The following MYO7B variants were observed in gnomAD, a reference collection of about 807,000 sequenced individuals.
The protein encoded by MYO7B is unconventional myosin-VIIb.
A neutral mutation model predicts 259.7 loss-of-function variants in MYO7B; 212 were observed. That is an observed-to-expected ratio of 0.82 (90% CI 0.73 to 0.91). MYO7B has a LOEUF of 0.91. Among genes scored for constraint, MYO7B ranks in the 40% least tolerant of loss-of-function variants. MYO7B has a pLI of 0.00. For missense variants in MYO7B, 2,732 were observed against 2,813.5 expected (o/e 0.97, Z 0.66); for synonymous variants, 1,197 against 1,166.4 (o/e 1.03, Z -0.54).
rs1005320949 is a variant in MYO7B at position 127,613,331 on chromosome 2, C to A, written c.3398+728C>A. ...TTGACCTGTCTTCAAATTTACTGAT[C>A]TTTTGTCTTCCCTAGTCTGCTGTCA... On this transcript the variant is annotated intron_variant, in intron 26 of 47. Transcript: ENST00000409816. The surrounding 1 kb of genome is among the most constrained non-coding windows in gnomAD (Gnocchi z 4.3). 1.3e-5 allele frequency among the ~76,000 whole-genome samples: 2 copies of A among 152,088 alleles called. No homozygotes were observed. Among genetic ancestry groups the A allele is most frequent in the African/African-American group, 4.8e-5 (2 of 41,412 alleles).
In MYO7B at chr2:127,636,132, A is replaced by C; in HGVS notation, c.6007-76A>C. On this transcript the variant is annotated intron_variant, in intron 44 of 47. Transcript: ENST00000409816. The surrounding 1 kb of genome is among the most constrained non-coding windows in gnomAD (Gnocchi z 4.5). ...CTCCCCACCGTACTAGCCCTGGGGTAGGCAGGTGCTGCCCCCACCAGGGCT... is the reference window on the plus strand; with the variant it reads ...CTCCCCACCGTACTAGCCCTGGGGTCGGCAGGTGCTGCCCCCACCAGGGCT... 13 of 1,248,712 alleles carry C rather than the reference A, an allele frequency of 1.0e-5. No individual in the cohort carries two copies. Among genetic ancestry groups the C allele is most frequent in the Non-Finnish European group, 1.5e-5 (13 of 867,824 alleles). 77.4% of individuals were successfully genotyped at this position (1,248,712 alleles called of 1,614,324 possible). A position where few individuals can be genotyped will look rare whatever the true frequency, so the allele number is the denominator to read the frequency against.
Position 127,605,891 on chromosome 2 carries a change from G to A in MYO7B, c.2387G>A (p.Trp796Ter). The part of the protein sequence containing the change: ...QRRAAVTLQA[W>*]WRGYCNRRNF... Reference sequence around the variant, plus strand: ...CGGGCAGCTGTGACCCTGCAGGCCTGGTGGAGAGGCTACTGCAACAGGAGG... The same window carrying A: ...CGGGCAGCTGTGACCCTGCAGGCCTAGTGGAGAGGCTACTGCAACAGGAGG... The change falls in exon 20 of 48, where the codon TGG becomes TAG. Residue 796 changes from tryptophan to a stop codon, truncating the protein, a stop_gained. Transcript: ENST00000409816. LOFTEE classifies it high-confidence loss of function. The A allele has an allele frequency of 6.2e-7, 1 of 1,613,800 alleles. No individual in the cohort carries two copies. The highest frequency in any genetic ancestry group is 8.5e-7 in the Non-Finnish European group (1 of 1,179,862).
Position 127,577,990 on chromosome 2 carries a change from T to C in MYO7B, c.850-143T>C. The C allele has an allele frequency of 1.1e-6, 1 of 898,738 alleles. No individual in the cohort carries two copies. Among genetic ancestry groups the C allele is most frequent in the Non-Finnish European group, 1.7e-6 (1 of 604,956 alleles). 55.7% of individuals were successfully genotyped at this position (898,738 alleles called of 1,614,324 possible). ...TGCTGTGGCTACTGTGTCATGATTC[T>C]GCCTCTGAAAAGAGTTTTTGAGCGT... On this transcript the variant is annotated intron_variant, in intron 8 of 47. Transcript: ENST00000409816. This position sits in a 1 kb window ranked among gnomAD's most constrained non-coding sequence, Gnocchi z 5.2.
In MYO7B at chr2:127,546,093, G is replaced by T. The variant is rs986330941; in HGVS notation, c.-24+10262G>T. The stretch of plus-strand genomic sequence containing the variant: ...TAGGCAGTCAGCTGGTGGCATAGGA[G>T]AACTTCCAAGTCTTACTCATCCCTC... On this transcript the variant is annotated intron_variant, in intron 1 of 47. Coordinates refer to ENST00000409816, the MANE Select transcript of MYO7B (RefSeq NM_001393586.1). The surrounding 1 kb of genome is among the most constrained non-coding windows in gnomAD (Gnocchi z 4.2). Among the ~76,000 whole-genome samples, 9 of 152,202 alleles carry T rather than the reference G, an allele frequency of 5.9e-5. No individual in the cohort carries two copies. The highest frequency in any genetic ancestry group is 1.2e-4 in the Non-Finnish European group (8 of 68,038).
At chr2:127,561,299 C>T (rs553193482) in intron 2 of MYO7B, among the ~76,000 whole-genome samples, 16 of 151,734 alleles carry the variant, frequency 1.1e-4, no homozygotes, top group African/African-American at 3.6e-4. Context: ...GAGTCTTACT[C>T]TGTCACCCAG....
intron 5 of MYO7B, 41 bp downstream of exon 5, chr2:127,566,868 T>C (rs1221257406): frequency 1.3e-6 from 2 of 1,575,152 alleles, no homozygotes; most frequent in Admixed American, 1.7e-5. Context: ...GGCATCTCCC[T>C]GAACTGCTCC....
At chr2:127,634,892 C>CG in intron 42 of MYO7B, 2 of 646,922 alleles carry the variant, frequency 3.1e-6, no homozygotes, top group Non-Finnish European at 2.7e-6. Flanking sequence ...AAGGATGCCC[C>CG]AGGGCTGAGG....
intron 1 of MYO7B, among the ~76,000 whole-genome samples, chr2:127,557,327 TA>T (rs1449692311): frequency 6.6e-6 from 1 of 152,150 alleles, no homozygotes; most frequent in Non-Finnish European, 1.5e-5. Context: ...TTGATTTTCT[TA>T]AATTGGACTT....
At chr2:127,629,603 C>T in intron 34 of MYO7B, 42 bp from the exon 35 acceptor site, 3 of 1,576,794 alleles carry the variant, frequency 1.9e-6, no homozygotes, top group Non-Finnish European at 2.6e-6. Context: ...CAGCCTCTGG[C>T]CCCTGCAGAG....
At chr2:127,605,703 C>A in intron 19 of MYO7B, 141 bp from the exon 20 acceptor site, 2 of 727,920 alleles carry the variant, frequency 2.7e-6, no homozygotes, top group Non-Finnish European at 4.5e-6. Context: ...TGGTCTGTAA[C>A]ACCTTCTGAG....
intron 16 of MYO7B, among the ~76,000 whole-genome samples, chr2:127,592,165 G>A (rs1339855421): frequency 6.6e-6 from 1 of 152,184 alleles, no homozygotes; most frequent in Non-Finnish European, 1.5e-5. Context: ...ACGCCAAGGC[G>A]GGCGGATCAT....
In MYO7B at chr2:127,569,921, C is replaced by T; in HGVS notation, c.592+11C>T. 4 of 1,606,518 alleles carry T rather than the reference C, an allele frequency of 2.5e-6. No homozygotes were observed. Among genetic ancestry groups the T allele is most frequent in the Non-Finnish European group, 3.4e-6 (4 of 1,175,596 alleles). On this transcript the variant is annotated intron_variant, in intron 6 of 47. Transcript: ENST00000409816. ...ACCCCATCCTGGAGGGTAAGCATCA[C>T]TCTGGGACCCGCCCTTCTCCCCCAG...
At chr2:127,588,298 C>T (rs1235629888) in intron 14 of MYO7B, 94 bp from the exon 15 acceptor site, 15 of 1,423,580 alleles carry the variant, frequency 1.1e-5, no homozygotes, top group African/African-American at 5.6e-5. Flanking sequence ...GGCTCCTCCA[C>T]GCATCCTGTA....
rs764930785 is a variant in MYO7B at position 127,627,045 on chromosome 2, A to G, written c.4286A>G (p.Gln1429Arg). 5.0e-6 allele frequency: 8 copies of G among 1,612,210 alleles called. No homozygotes were observed. The highest frequency in any genetic ancestry group is 1.1e-5 in the South Asian group (1 of 90,906). Residue 1429 changes from glutamine to arginine, a missense_variant, in exon 32 of 48, where the codon CAG becomes CGG. This residue lies in a region of MYO7B where 1,906 missense variants were observed against 2,026.4 expected (regional missense o/e 0.94). Coordinates refer to ENST00000409816, the MANE Select transcript of MYO7B (RefSeq NM_001393586.1). This position sits in a 1 kb window ranked among gnomAD's most constrained non-coding sequence, Gnocchi z 5.6. ...CAGGTGGTGGACGCCGCCCGCCTGC[A>G]GTGGCCGCTGCTCTTCTCCCGGCTC... ...REQVVDAARL[Q>R]WPLLFSRLFE... is the part of the protein sequence containing the mutation.
rs1189073633 is a variant in MYO7B at position 127,586,329 on chromosome 2, G to A, written c.1690+1416G>A. ...AAGAAAAACGAGGAAGGTGGCCGTG[G>A]GCTGCTGTGGTCAGGAAAGCAGGGC... On this transcript the variant is annotated intron_variant, in intron 14 of 47. Transcript: ENST00000409816. The surrounding 1 kb of genome is among the most constrained non-coding windows in gnomAD (Gnocchi z 4.8). Among the ~76,000 whole-genome samples the A allele has an allele frequency of 1.3e-5, 2 of 152,164 alleles. No individual in the cohort carries two copies. The highest frequency in any genetic ancestry group is 4.8e-5 in the African/African-American group (2 of 41,436).
intron 1 of MYO7B, among the ~76,000 whole-genome samples, chr2:127,543,038 G>GGAC (rs1693068157): frequency 6.6e-6 from 1 of 152,134 alleles, no homozygotes; most frequent in Admixed American, 6.5e-5. Flanking sequence ...CTATTCCCAG[G>GGAC]GACGAGCAGG....
intron 31 of MYO7B, chr2:127,626,267 AAG>A (rs1230088029): frequency 2.6e-5 from 4 of 152,384 alleles, no homozygotes; most frequent in African/African-American, 9.6e-5. Context: ...GAGAAGAAAG[AAG>A]AGAGGCACCC....
At chr2:127,617,829 T>C (rs1402172708) in intron 26 of MYO7B, among the ~76,000 whole-genome samples, 2 of 150,080 alleles carry the variant, frequency 1.3e-5, no homozygotes, top group African/African-American at 2.5e-5. Flanking sequence ...ATTCATCTGG[T>C]TGGTTTTAGT....
chr2:127,568,270 G>T (rs897717814), intron 5 of MYO7B, among the ~76,000 whole-genome samples: 1 of 152,268 alleles, frequency 6.6e-6, no homozygotes, highest in African/African-American at 2.4e-5. Flanking sequence ...AGCTTACGGT[G>T]TGGCTCTACC....
Sources: allele counts gnomAD v4.1 joint callset (sites outside exome capture counted in the v4.1 genomes callset), GRCh38; gene constraint gnomAD v4.1.1; regional missense constraint gnomAD v4.1.1; non-coding constraint Gnocchi (gnomAD v3.1); transcripts MANE v1.5; gene names NCBI Gene and HGNC (gene_info 2026-07-23, HGNC 2026-07-21).